The following STK3 variants were observed in gnomAD, a reference collection of about 807,000 sequenced individuals.
STK3 encodes the protein serine/threonine kinase 3.
Under a neutral mutation model 58.0 loss-of-function variants are expected in STK3, and 41 were observed. The observed-to-expected ratio is 0.71, with a 90% CI of 0.55 to 0.92. STK3 has a LOEUF of 0.92. Among genes scored for constraint, STK3 ranks in the 40% least tolerant of loss-of-function variants. STK3 has a pLI of 0.00. For missense variants in STK3, 479 were observed against 602.7 expected (o/e 0.79, Z 2.15); for synonymous variants, 170 against 191.0 (o/e 0.89, Z 0.91).
At chr8:98,723,182 G>A (rs192773872) in intron 4 of STK3, among the ~76,000 whole-genome samples, 1 of 152,070 alleles carries the variant, frequency 6.6e-6, no homozygotes, top group East Asian at 1.9e-4. Flanking sequence ...TTTAAAGAAG[G>A]GTGGTAGAGA....
chr8:98,901,301 C>A (rs1838648346), intron 1 of STK3, among the ~76,000 whole-genome samples: 1 of 152,206 alleles, frequency 6.6e-6, no homozygotes, highest in Admixed American at 6.5e-5. Flanking sequence ...AGCCCCTATG[C>A]TTTTACTATT....
At chr8:98,647,149 T>A (rs968961317) in intron 6 of STK3, among the ~76,000 whole-genome samples, 1 of 152,124 alleles carries the variant, frequency 6.6e-6, no homozygotes, top group Admixed American at 6.6e-5. Flanking sequence ...ACAAAAGGGC[T>A]TTCCATTGAC....
chr8:98,778,590 T>C (rs1384872337), intron 1 of STK3, among the ~76,000 whole-genome samples: 22 of 152,296 alleles, frequency 1.4e-4, no homozygotes, highest in Non-Finnish European at 2.6e-4. Context: ...CGTATGTTTA[T>C]TGCGGCACTA....
At chr8:98,848,558 C>T (rs1044904604) in intron 3 of STK3, among the ~76,000 whole-genome samples, 3 of 152,166 alleles carry the variant, frequency 2.0e-5, no homozygotes, top group Admixed American at 6.5e-5. Context: ...TCCGTCTCTA[C>T]AGATTTACCT....
intron 4 of STK3, among the ~76,000 whole-genome samples, chr8:98,733,400 C>G (rs1308127358): frequency 6.6e-6 from 1 of 152,198 alleles, no homozygotes; most frequent in Non-Finnish European, 1.5e-5. Flanking sequence ...CCTGTCAGAT[C>G]AGCAGCAGCA....
At chr8:98,911,557 C>T (rs1839135553) in intron 1 of STK3, among the ~76,000 whole-genome samples, 1 of 152,026 alleles carries the variant, frequency 6.6e-6, no homozygotes, top group African/African-American at 2.4e-5. Flanking sequence ...CCATGCCTGG[C>T]TAATTTTTGT....
chr8:98,586,288 T>G (rs905434135), intron 7 of STK3, among the ~76,000 whole-genome samples: 36 of 152,158 alleles, frequency 2.4e-4, no homozygotes, highest in Non-Finnish European at 2.9e-5. Flanking sequence ...CCTAATTTAT[T>G]GAGAGTTTTT....
chr8:98,402,802 C>A (rs960779431), intron 3 of STK3, among the ~76,000 whole-genome samples: 1 of 152,156 alleles, frequency 6.6e-6, no homozygotes, highest in Admixed American at 6.5e-5. Context: ...GAGGAGCCTG[C>A]AGTATGTTCT....
At chr8:98,453,080 GTTTTTTTT>G (rs919288019), downstream of STK3, among the ~76,000 whole-genome samples, 13 of 39,674 alleles carry the variant, frequency 3.3e-4, 2 homozygotes, top group African/African-American at 1.2e-3. Flanking sequence ...TTTCTTTCTT[GTTTTTTTT>G]TTTTTTTTTT....
chr8:98,900,011 A>T (rs891203798), intron 1 of STK3, among the ~76,000 whole-genome samples: 1 of 152,212 alleles, frequency 6.6e-6, no homozygotes, highest in African/African-American at 2.4e-5. Context: ...AAATGTATAC[A>T]TGAAATACTG....
At chr8:98,811,539 A>G (rs1177719436) in intron 1 of STK3, among the ~76,000 whole-genome samples, 2 of 101,234 alleles carry the variant, frequency 2.0e-5, no homozygotes, top group Non-Finnish European at 4.0e-5. Context: ...TTAAGAAAAG[A>G]AAAAAGAAAA....
intron 1 of STK3, among the ~76,000 whole-genome samples, chr8:98,782,781 C>T (rs959932704): frequency 1.4e-5 from 2 of 145,656 alleles, no homozygotes; most frequent in African/African-American, 5.1e-5. Context: ...CAGTGCAGCA[C>T]AAAAGATGAA....
At chr8:98,613,185 ACT>A (rs1471524475) in intron 6 of STK3, among the ~76,000 whole-genome samples, 1 of 152,080 alleles carries the variant, frequency 6.6e-6, no homozygotes, top group Non-Finnish European at 1.5e-5. Flanking sequence ...ACTTCAACAA[ACT>A]CTACCTGGCA....
downstream of STK3, chr8:98,878,907 T>C (rs984601577): frequency 1.3e-5 from 2 of 148,236 alleles, no homozygotes; most frequent in Non-Finnish European, 3.0e-5. Context: ...TTTTTTTTTT[T>C]TTTTTTTTTG....
intron 1 of STK3, among the ~76,000 whole-genome samples, chr8:98,439,652 C>A (rs897977463): frequency 1.3e-5 from 2 of 152,184 alleles, no homozygotes; most frequent in Non-Finnish European, 2.9e-5. Context: ...TCAACACATG[C>A]GCACACAGTT....
intron 6 of STK3, among the ~76,000 whole-genome samples, chr8:98,691,672 A>G (rs1824413578): frequency 6.6e-6 from 1 of 152,088 alleles, no homozygotes; most frequent in Admixed American, 6.6e-5. Context: ...GTGGCTCAAA[A>G]CCTGTAATCC....
chr8:98,356,908 T>TC, the STK3 span, among the ~76,000 whole-genome samples: 1 of 152,166 alleles, frequency 6.6e-6, no homozygotes, highest in Non-Finnish European at 1.5e-5. Context: ...ACCCTGAGCG[T>TC]GGTCGGTCTG....
upstream of STK3, among the ~76,000 whole-genome samples, chr8:98,392,122 T>A (rs548110400): frequency 1.9e-4 from 29 of 152,280 alleles, no homozygotes; most frequent in African/African-American, 6.0e-4. Flanking sequence ...TCTGTTTTTT[T>A]AAAAAAATAT....
chr8:98,665,792 C>T (rs1462602790), intron 6 of STK3, among the ~76,000 whole-genome samples: 2 of 151,918 alleles, frequency 1.3e-5, no homozygotes, highest in Admixed American at 6.6e-5. Context: ...CAAGCTCCGC[C>T]TCCTGGGTTC....
Sources: allele counts gnomAD v4.1 joint callset (sites outside exome capture counted in the v4.1 genomes callset), GRCh38; gene constraint gnomAD v4.1.1; transcripts MANE v1.5; gene names NCBI Gene and HGNC (gene_info 2026-07-23, HGNC 2026-07-21).